AFG2A: variants seen among roughly 807,000 people sequenced by gnomAD.
The protein encoded by AFG2A is ATPase family gene 2 protein homolog A.
the AFG2A span, among the ~76,000 whole-genome samples, chr4:123,013,898 A>G: frequency 1.3e-5 from 2 of 152,214 alleles, no homozygotes; most frequent in Non-Finnish European, 2.9e-5. Context: ...TAGAAAAAAT[A>G]GTTTAGTTAT....
chr4:123,317,445 G>T, the AFG2A span: 5 of 152,284 alleles, frequency 3.3e-5, no homozygotes, highest in East Asian at 5.8e-4. Context: ...AAAAGCTAAT[G>T]CCTTGCTTAC....
the AFG2A span, among the ~76,000 whole-genome samples, chr4:123,209,193 T>C: frequency 1.3e-5 from 2 of 152,110 alleles, no homozygotes; most frequent in Non-Finnish European, 2.9e-5. Context: ...GTCAGAAACA[T>C]AGGTAAAACA....
At chr4:123,090,767 G>T in the AFG2A span, 11 of 1,570,458 alleles carry the variant, frequency 7.0e-6, no homozygotes, top group Non-Finnish European at 9.5e-6. Context: ...ATTTTATCAG[G>T]TTTTTGTTTT....
the AFG2A span, among the ~76,000 whole-genome samples, chr4:123,080,144 C>G: frequency 3.3e-5 from 5 of 152,242 alleles, no homozygotes; most frequent in South Asian, 4.2e-4. Flanking sequence ...GCCCTAACCC[C>G]GAATGTGATG....
the AFG2A span, among the ~76,000 whole-genome samples, chr4:123,310,375 C>T: frequency 6.6e-6 from 1 of 152,176 alleles, no homozygotes; most frequent in Non-Finnish European, 1.5e-5. Flanking sequence ...TCCATTCTGT[C>T]TACTGAGGCT....
chr4:123,317,227 A>AG, the AFG2A span: 1 of 151,428 alleles, frequency 6.6e-6, no homozygotes, highest in Non-Finnish European at 1.5e-5. Flanking sequence ...TCCGTCTCAA[A>AG]AAAAAAAAAA....
the AFG2A span, chr4:122,947,472 C>T: frequency 1.2e-6 from 2 of 1,612,030 alleles, no homozygotes; most frequent in East Asian, 4.5e-5. Context: ...ACTTGAAAGT[C>T]TTGTGTAATG....
the AFG2A span, among the ~76,000 whole-genome samples, chr4:122,974,710 G>A: frequency 1.3e-5 from 2 of 151,868 alleles, no homozygotes; most frequent in African/African-American, 2.4e-5. Flanking sequence ...GTGCGATCTC[G>A]GCTCACCGCA....
At chr4:123,026,726 T>G in the AFG2A span, among the ~76,000 whole-genome samples, 1 of 152,220 alleles carries the variant, frequency 6.6e-6, no homozygotes, top group Non-Finnish European at 1.5e-5. Flanking sequence ...GGAGTATTCG[T>G]TACAACATGG....
chr4:122,985,310 G>A, the AFG2A span, among the ~76,000 whole-genome samples: 2 of 151,966 alleles, frequency 1.3e-5, no homozygotes, highest in Non-Finnish European at 2.9e-5. Context: ...CGTATTTTTA[G>A]TAGAGATGGG....
the AFG2A span, among the ~76,000 whole-genome samples, chr4:123,220,149 G>C: frequency 6.6e-6 from 1 of 152,072 alleles, no homozygotes; most frequent in African/African-American, 2.4e-5. Flanking sequence ...GATTACAGGC[G>C]TGAGCCACTG....
the AFG2A span, among the ~76,000 whole-genome samples, chr4:123,020,359 T>C: frequency 6.6e-6 from 1 of 151,820 alleles, no homozygotes; most frequent in Non-Finnish European, 1.5e-5. Context: ...AATACATATA[T>C]GTGTATGTGG....
chr4:122,956,283 A>C, the AFG2A span, among the ~76,000 whole-genome samples: 1,149 of 152,330 alleles, frequency 7.5e-3, 14 homozygotes, highest in African/African-American at 0.026. Context: ...ACAGTGAGAA[A>C]GTGAGAAAAG....
the AFG2A span, among the ~76,000 whole-genome samples, chr4:122,998,179 T>G: frequency 2.6e-5 from 4 of 152,040 alleles, no homozygotes; most frequent in Non-Finnish European, 4.4e-5. Context: ...TTGTTGTTGT[T>G]GTTGAATGTA....
At chr4:123,008,374 G>C in the AFG2A span, among the ~76,000 whole-genome samples, 3 of 152,140 alleles carry the variant, frequency 2.0e-5, no homozygotes, top group African/African-American at 7.2e-5. Flanking sequence ...TCTCACCTAG[G>C]CCCTACCTCC....
At chr4:122,974,718 G>T in the AFG2A span, among the ~76,000 whole-genome samples, 1 of 151,920 alleles carries the variant, frequency 6.6e-6, no homozygotes, top group Admixed American at 6.6e-5. Flanking sequence ...TCGGCTCACC[G>T]CAGCCTCTGC....
the AFG2A span, chr4:123,057,192 G>A: frequency 6.2e-7 from 1 of 1,613,384 alleles, no homozygotes; most frequent in Non-Finnish European, 8.5e-7. Context: ...TAGCTAATGT[G>A]GCACTCTTTC....
chr4:122,925,473 G>A, the AFG2A span, among the ~76,000 whole-genome samples: 2 of 152,132 alleles, frequency 1.3e-5, no homozygotes, highest in Non-Finnish European at 2.9e-5. Flanking sequence ...GGGTGGTCTT[G>A]ACCTTCTTTA....
At chr4:123,218,741 T>C in the AFG2A span, among the ~76,000 whole-genome samples, 2 of 152,232 alleles carry the variant, frequency 1.3e-5, no homozygotes, top group African/African-American at 4.8e-5. Context: ...AGCTTGGGAA[T>C]ATTTTTGCTA....
Sources: allele counts gnomAD v4.1 joint callset (sites outside exome capture counted in the v4.1 genomes callset), GRCh38; gene constraint gnomAD v4.1.1; transcripts MANE v1.5; gene names NCBI Gene and HGNC (gene_info 2026-07-23, HGNC 2026-07-21).